MYO6: variants seen among roughly 807,000 people sequenced by gnomAD.
MYO6 encodes myosin VI.
A neutral mutation model predicts 178.7 loss-of-function variants in MYO6; 74 were observed. The ratio of observed to expected loss-of-function variants is 0.41; its 90% CI spans 0.34 to 0.50. The LOEUF (loss-of-function observed/expected upper bound fraction) is 0.50. Among genes scored for constraint, MYO6 ranks in the 20% least tolerant of loss-of-function variants. The probability of loss-of-function intolerance (pLI) is 0.09; values close to 1 mark genes in which losing one functional copy is unlikely to be tolerated. For synonymous variants in MYO6, 477 were observed against 504.6 expected, an observed-to-expected ratio of 0.95 and a Z score of 0.73; for missense variants, 1,330 against 1,547.4, an observed-to-expected ratio of 0.86 and a Z score of 2.36.
chr6:75,816,893 A>G (rs1771307316), intron 1 of MYO6, among the ~76,000 whole-genome samples: 1 of 152,130 alleles, frequency 6.6e-6, no homozygotes, highest in Admixed American at 6.5e-5. Context: ...AAAAACTATC[A>G]TTGTTTGCTT....
At chr6:75,845,095 T>TA (rs1441238012) in intron 10 of MYO6, 118 bp downstream of exon 10, 3 of 791,038 alleles carry the variant, frequency 3.8e-6, no homozygotes, top group Non-Finnish European at 6.5e-6. Flanking sequence ...GCTTATACTT[T>TA]AAAAAATTAA....
chr6:75,866,898 G>A (rs776034481), intron 17 of MYO6, 34 bp from the exon 18 acceptor site: 2 of 1,604,312 alleles, frequency 1.2e-6, no homozygotes, highest in East Asian at 4.5e-5. Flanking sequence ...ATCACAAGAT[G>A]GACAGAAACA....
chr6:75,852,109 GT>G (rs10707651), intron 11 of MYO6, among the ~76,000 whole-genome samples: 16,566 of 144,336 alleles, frequency 0.11, 936 homozygotes, highest in Non-Finnish European at 0.13. Flanking sequence ...TAAAAATCCT[GT>G]TTTTTTTTTT....
At chr6:75,912,510 A>G (rs1161759108) in intron 33 of MYO6, among the ~76,000 whole-genome samples, 3 of 152,100 alleles carry the variant, frequency 2.0e-5, no homozygotes, top group Admixed American at 1.3e-4. Flanking sequence ...TCCTGTTAGT[A>G]AGAAAAGCTA....
rs1252045247 is a variant in MYO6 at position 75,831,200 on chromosome 6, G to GGT, written c.391+658_391+659dup. 2.0e-5 allele frequency among the ~76,000 whole-genome samples: 3 copies of GGT among 152,250 alleles called. No individual in the cohort carries two copies. The East Asian group carries it at 5.8e-4, about 29-fold the overall frequency. On this transcript the variant is annotated intron_variant, in intron 5 of 34. Coordinates refer to ENST00000369977, the MANE Select transcript of MYO6 (RefSeq NM_004999.4). ...TACCCCTCTTCCCACCAAATGCGGA[G>GGT]GTGTTAGCTAACCCTTTGCATTCAG...
chr6:75,791,633 A>T (rs539677041), intron 1 of MYO6, among the ~76,000 whole-genome samples: 2 of 152,358 alleles, frequency 1.3e-5, no homozygotes, highest in South Asian at 4.1e-4. Flanking sequence ...GACTTTTTTC[A>T]ACTGATGTTA....
intron 1 of MYO6, among the ~76,000 whole-genome samples, chr6:75,815,978 T>G (rs1771202078): frequency 6.6e-6 from 1 of 152,240 alleles, no homozygotes; most frequent in Admixed American, 6.5e-5. Context: ...CAAAATATTT[T>G]GCATGTCACG....
chr6:75,844,688 A>G (rs1177461411), intron 9 of MYO6, among the ~76,000 whole-genome samples: 1 of 152,012 alleles, frequency 6.6e-6, no homozygotes, highest in Non-Finnish European at 1.5e-5. Flanking sequence ...ATGCTCAGAG[A>G]TTAGGATTTT....
chr6:75,758,582 T>A (rs778981210), intron 1 of MYO6, among the ~76,000 whole-genome samples: 19 of 151,926 alleles, frequency 1.3e-4, no homozygotes, highest in Non-Finnish European at 2.1e-4. Flanking sequence ...TGCCTCAGCC[T>A]CCCAAGTAGC....
chr6:75,871,984 C>G (rs1777192594), intron 19 of MYO6, among the ~76,000 whole-genome samples: 2 of 151,894 alleles, frequency 1.3e-5, no homozygotes, highest in African/African-American at 2.4e-5. Flanking sequence ...CAAAAATTAG[C>G]TGGGCATGGT....
intron 1 of MYO6, among the ~76,000 whole-genome samples, chr6:75,786,127 A>T (rs999157830): frequency 6.6e-6 from 1 of 152,000 alleles, no homozygotes; most frequent in Non-Finnish European, 1.5e-5. Context: ...GGGTTTCACC[A>T]TGTTGGCCAG....
Position 75,858,976 on chromosome 6 carries a change from GA to G in MYO6, c.1459del (p.Arg487GlyfsTer3). On this transcript the variant is annotated frameshift_variant, in exon 14 of 35. Transcript: ENST00000369977. LOFTEE classifies it high-confidence loss of function. ...CNEKLQQFFN[E>X]RILKEEQELY... ...TGAAAAACTTCAACAATTTTTTAAT[GA>G]AAGGATTCTGAAGGAGGTAATTGCC... is the stretch of plus-strand genomic sequence containing the variant. 6.2e-7 allele frequency: 1 copy of G among 1,601,954 alleles called. No homozygotes were observed. Among genetic ancestry groups the G allele is most frequent in the Non-Finnish European group, 8.5e-7 (1 of 1,169,896 alleles).
In MYO6 at chr6:75,916,226, G is replaced by T. The variant is rs1582028056; in HGVS notation, c.*1214G>T. On this transcript the variant is annotated 3_prime_UTR_variant, in exon 35 of 35. Coordinates refer to ENST00000369977, the MANE Select transcript of MYO6 (RefSeq NM_004999.4). ...TTGTATTTTAGAATAAAATTATAAA[G>T]TAAAATGATTCTCTGTACTGCTTTT... is the stretch of plus-strand genomic sequence containing the variant. 2 of 152,112 alleles carry T rather than the reference G, an allele frequency of 1.3e-5. No individual in the cohort carries two copies. Among genetic ancestry groups the T allele is most frequent in the East Asian group, 3.9e-4 (2 of 5,194 alleles). 9.4% of individuals were successfully genotyped at this position (152,112 alleles called of 1,614,324 possible).
intron 33 of MYO6, among the ~76,000 whole-genome samples, chr6:75,912,791 G>A (rs1412904109): frequency 6.6e-6 from 1 of 152,060 alleles, no homozygotes; most frequent in Non-Finnish European, 1.5e-5. Context: ...GGGAAAACAG[G>A]AGCAAAAGAA....
intron 2 of MYO6, among the ~76,000 whole-genome samples, chr6:75,820,176 T>A (rs1196314190): frequency 6.6e-6 from 1 of 152,246 alleles, no homozygotes. Flanking sequence ...TGCATTTTCT[T>A]TTCCCTGTCT....
chr6:75,768,928 G>A (rs1305261471), intron 1 of MYO6, among the ~76,000 whole-genome samples: 1 of 152,172 alleles, frequency 6.6e-6, no homozygotes, highest in Non-Finnish European at 1.5e-5. Context: ...TCTGGTGAGG[G>A]CCTCAGGAAG....
chr6:75,845,832 C>A (rs1774681593), intron 10 of MYO6, among the ~76,000 whole-genome samples: 2 of 151,162 alleles, frequency 1.3e-5, no homozygotes, highest in African/African-American at 2.4e-5. Flanking sequence ...CAAAAAATTA[C>A]AAAAATTAGC....
At chr6:75,912,183 C>A (rs1204771162) in intron 33 of MYO6, among the ~76,000 whole-genome samples, 1 of 151,924 alleles carries the variant, frequency 6.6e-6, no homozygotes, top group African/African-American at 2.4e-5. Context: ...GGAGATTATT[C>A]TGTTACGTTT....
intron 11 of MYO6, among the ~76,000 whole-genome samples, chr6:75,852,078 AT>A (rs1437112340): frequency 5.3e-5 from 8 of 151,252 alleles, no homozygotes; most frequent in Non-Finnish European, 1.2e-4. Flanking sequence ...ACATGATAGT[AT>A]TTTGCCTTTT....
Sources: gnomAD v4.1 joint callset for allele counts (sites outside exome capture counted in the v4.1 genomes callset) on GRCh38, gnomAD v4.1.1 for gene constraint, MANE v1.5 for transcripts, NCBI Gene and HGNC (gene_info 2026-07-23, HGNC 2026-07-21) for gene names.